Variants in FNIP1 observed in about 807,000 individuals in gnomAD.
FNIP1 encodes folliculin-interacting protein 1.
In FNIP1, 40 loss-of-function variants were observed where a neutral mutation model predicts 124.5. The observed-to-expected ratio is 0.32, with a 90% CI of 0.25 to 0.42. FNIP1 has a LOEUF of 0.42. Among genes scored for constraint, FNIP1 ranks in the 10% least tolerant of loss-of-function variants. The pLI is 1.00. For missense variants in FNIP1, 1,176 were observed against 1,403.7 expected (o/e 0.84, Z 2.59); for synonymous variants, 472 against 470.6 (o/e 1.00, Z -0.04).
intron 1 of FNIP1, among the ~76,000 whole-genome samples, chr5:131,775,452 A>G (rs926308810): frequency 6.6e-4 from 41 of 62,190 alleles, no homozygotes; most frequent in African/African-American, 9.4e-4. Flanking sequence ...ATTTAAAAAT[A>G]AAATATGTAT....
At position 131,672,394 on chromosome 5, in the gene FNIP1, T is replaced by G; in HGVS notation, c.2050A>C (p.Thr684Pro). The G allele has an allele frequency of 6.2e-7, 1 of 1,614,150 alleles. No individual in the cohort carries two copies. The highest frequency in any genetic ancestry group is 8.5e-7 in the Non-Finnish European group (1 of 1,180,044). ...CATTTGTCTACTGGAACAGATCCTGTGCAAACAACTGTCTCTAACTTGGCG... is the reference window on the plus strand; with the variant it reads ...CATTTGTCTACTGGAACAGATCCTGGGCAAACAACTGTCTCTAACTTGGCG... Reference protein sequence around the residue: ...FDAKLETVVCTGSVPVDKCAL... With the variant: ...FDAKLETVVCPGSVPVDKCAL... The change falls in exon 14 of 18, where the codon ACA becomes CCA. Residue 684 changes from threonine (T) to proline (P), a missense_variant. Thr to Pro is a conservative substitution (Grantham distance 38). Transcript: ENST00000510461.
In FNIP1 at chr5:131,685,139, TC is replaced by T. The variant is rs547052030; in HGVS notation, c.1203-5965del. ...AAGGCACGGTGGCTCATGCCTGTAA[TC>T]CCAGTACTGTGGGTGGTTGAGGCAA... is the stretch of plus-strand genomic sequence containing the variant. On this transcript the variant is annotated intron_variant, in intron 11 of 17. Transcript: ENST00000510461. Among the ~76,000 whole-genome samples, 66 of 152,274 alleles carry T rather than the reference TC, an allele frequency of 4.3e-4. 1 individual carries two copies. Among genetic ancestry groups the T allele is most frequent in the African/African-American group, 1.5e-3 (63 of 41,562 alleles).
At chr5:131,657,034 T>C (rs570442314) in intron 15 of FNIP1, among the ~76,000 whole-genome samples, 206 of 147,986 alleles carry the variant, frequency 1.4e-3, no homozygotes, top group Non-Finnish European at 2.2e-3. Context: ...TTTTTTTTTT[T>C]TTTTTTTTTG....
intron 1 of FNIP1, among the ~76,000 whole-genome samples, chr5:131,780,446 T>C (rs948298850): frequency 6.6e-6 from 1 of 152,172 alleles, no homozygotes; most frequent in Non-Finnish European, 1.5e-5. Context: ...TTATTGCACT[T>C]TGCAGATACC....
chr5:131,719,901 T>C (rs542923019), intron 3 of FNIP1, among the ~76,000 whole-genome samples: 1 of 152,324 alleles, frequency 6.6e-6, no homozygotes, highest in Non-Finnish European at 1.5e-5. Context: ...TGTATTTCTG[T>C]AAAGACATAT....
At chr5:131,742,467 AAACAAACAGAC>A (rs1231686966) in intron 2 of FNIP1, among the ~76,000 whole-genome samples, 55 of 152,352 alleles carry the variant, frequency 3.6e-4, no homozygotes, top group African/African-American at 1.3e-3. Context: ...TGTCTCAAGA[AAACAAACAGAC>A]AACAAAAAAC....
intron 15 of FNIP1, among the ~76,000 whole-genome samples, chr5:131,657,754 A>C (rs1767247344): frequency 6.7e-6 from 1 of 149,866 alleles, no homozygotes; most frequent in African/African-American, 2.5e-5. Flanking sequence ...AAAAAAAAAA[A>C]AAAACGGTGG....
chr5:131,659,652 T>C (rs1056763086), intron 15 of FNIP1, among the ~76,000 whole-genome samples: 1 of 152,192 alleles, frequency 6.6e-6, no homozygotes, highest in African/African-American at 2.4e-5. Flanking sequence ...ACTCCATCGC[T>C]GGAGTCCATC....
At chr5:131,764,685 G>C (rs1771359787) in intron 1 of FNIP1, among the ~76,000 whole-genome samples, 1 of 152,054 alleles carries the variant, frequency 6.6e-6, no homozygotes, top group African/African-American at 2.4e-5. Context: ...ATTTAGTATA[G>C]CACTACTGAA....
chr5:131,662,803 G>T (rs574823308), intron 15 of FNIP1, among the ~76,000 whole-genome samples: 1 of 133,900 alleles, frequency 7.5e-6, no homozygotes, highest in Non-Finnish European at 1.5e-5. Flanking sequence ...ACAGTGGCAC[G>T]ATCTTGGCTC....
intron 1 of FNIP1, among the ~76,000 whole-genome samples, chr5:131,784,141 G>A (rs183262577): frequency 6.6e-6 from 1 of 152,110 alleles, no homozygotes; most frequent in African/African-American, 2.4e-5. Flanking sequence ...GGGCTGGAAG[G>A]TTCCAAAAAA....
chr5:131,694,487 T>A (rs779321360), intron 11 of FNIP1, among the ~76,000 whole-genome samples: 4 of 152,082 alleles, frequency 2.6e-5, no homozygotes, highest in Non-Finnish European at 4.4e-5. Context: ...AAGAAGCCAG[T>A]CTGAAAAGTC....
intron 3 of FNIP1, among the ~76,000 whole-genome samples, chr5:131,721,873 G>A (rs1769678122): frequency 6.6e-6 from 1 of 152,152 alleles, no homozygotes; most frequent in Non-Finnish European, 1.5e-5. Context: ...TGTCTTCACA[G>A]GAGTCAGACA....
chr5:131,767,427 CAAAAAAAAAAAAAA>C (rs139550903), intron 1 of FNIP1, among the ~76,000 whole-genome samples: 9,843 of 65,058 alleles, frequency 0.15, 813 homozygotes, highest in African/African-American at 0.34. Flanking sequence ...GATTCTGTCT[CAAAAAAAAAAAAAA>C]AAAAAAAAAA....
chr5:131,778,847 G>C (rs1237242501), intron 1 of FNIP1, among the ~76,000 whole-genome samples: 2 of 139,298 alleles, frequency 1.4e-5, no homozygotes. Flanking sequence ...TCGTTTGTAG[G>C]GACATGGATG....
chr5:131,672,065 C>T lies in FNIP1; in HGVS notation c.2379G>A (p.Gln793=). 6.2e-7 allele frequency: 1 copy of T among 1,614,154 alleles called. No homozygotes were observed. The highest frequency in any genetic ancestry group is 8.5e-7 in the Non-Finnish European group (1 of 1,180,014). The change falls in exon 14 of 18, where the codon CAG becomes CAA. Residue 793 remains glutamine, a synonymous_variant. Coordinates refer to ENST00000510461, the MANE Select transcript of FNIP1 (RefSeq NM_133372.3). ...PLKEERGAID[Q]HQETKQTTKD... ...TGGTTGTTTGTTTAGTTTCTTGATG[C>T]TGATCAATAGCCCCTCTTTCTTCCT...
At chr5:131,710,995 C>T (rs1459307140) in intron 6 of FNIP1, among the ~76,000 whole-genome samples, 2 of 152,028 alleles carry the variant, frequency 1.3e-5, no homozygotes, top group African/African-American at 4.8e-5. Flanking sequence ...TGAAAAAGTA[C>T]GATAATGTTA....
chr5:131,738,807 C>A lies in FNIP1; in HGVS notation c.219+5757G>T, dbSNP rs1481199905. On this transcript the variant is annotated intron_variant, in intron 2 of 17. Transcript: ENST00000510461. ...GGATTACAGGCATGAGCCACTGCAT[C>A]CGGCCTTTTTTTTTTTTTTGGCCAG... Among the ~76,000 whole-genome samples the A allele has an allele frequency of 1.8e-4, 27 of 147,766 alleles. 1 individual carries two copies. Among genetic ancestry groups the A allele is most frequent in the Admixed American group, 1.8e-3 (27 of 15,166 alleles).
At chr5:131,724,365 G>A (rs1769782659) in intron 3 of FNIP1, among the ~76,000 whole-genome samples, 1 of 152,134 alleles carries the variant, frequency 6.6e-6, no homozygotes, top group Non-Finnish European at 1.5e-5. Context: ...ATCCTATCCA[G>A]CATCTTTTGT....
Sources: allele counts gnomAD v4.1 joint callset (sites outside exome capture counted in the v4.1 genomes callset), GRCh38; gene constraint gnomAD v4.1.1; transcripts MANE v1.5; gene names NCBI Gene and HGNC (gene_info 2026-07-23, HGNC 2026-07-21).